The following WWOX variants were observed in gnomAD, a reference collection of about 807,000 sequenced individuals.
WWOX encodes the protein WW domain-containing oxidoreductase.
A neutral mutation model predicts 46.2 loss-of-function variants in WWOX; 69 were observed. The ratio of observed to expected loss-of-function variants is 1.49; its 90% CI spans 1.23 to 1.82. WWOX has a LOEUF of 1.82. WWOX is among the 40% of genes most tolerant of loss of function. The probability of loss-of-function intolerance (pLI) is 0.00; values close to 1 mark genes in which losing one functional copy is unlikely to be tolerated. For missense variants in WWOX, 919 were observed against 542.6 expected, an observed-to-expected ratio of 1.69 and a Z score of -6.89; for synonymous variants, 359 against 202.6, an observed-to-expected ratio of 1.77 and a Z score of -6.56.
intron 8 of WWOX, among the ~76,000 whole-genome samples, chr16:78,874,936 A>G (rs1036772859): frequency 9.2e-5 from 14 of 152,278 alleles, no homozygotes; most frequent in African/African-American, 3.4e-4. Flanking sequence ...GAAAACATGC[A>G]TTGGAACCAG....
intron 8 of WWOX, among the ~76,000 whole-genome samples, chr16:78,542,523 G>C (rs532733989): frequency 6.6e-6 from 1 of 152,236 alleles, no homozygotes; most frequent in African/African-American, 2.4e-5. Flanking sequence ...ACTATTGTCA[G>C]GGAATGAAAA....
chr16:78,198,887 T>C (rs2036142848), intron 5 of WWOX, among the ~76,000 whole-genome samples: 2 of 152,232 alleles, frequency 1.3e-5, no homozygotes, highest in African/African-American at 4.8e-5. Context: ...GACAGTTCTT[T>C]GCTCTGGGAG....
intron 8 of WWOX, among the ~76,000 whole-genome samples, chr16:79,102,405 G>C (rs766789088): frequency 6.6e-5 from 10 of 152,096 alleles, no homozygotes; most frequent in Non-Finnish European, 1.2e-4. Flanking sequence ...TGAATGTATG[G>C]AATATTATTG....
chr16:78,329,168 A>G (rs1052519900), intron 5 of WWOX, among the ~76,000 whole-genome samples: 11 of 152,098 alleles, frequency 7.2e-5, no homozygotes, highest in African/African-American at 2.4e-4. Flanking sequence ...GCCTGCTGAT[A>G]TATTTTTAAT....
intron 8 of WWOX, among the ~76,000 whole-genome samples, chr16:79,158,179 G>C (rs2050418504): frequency 6.6e-6 from 1 of 152,078 alleles, no homozygotes; most frequent in Non-Finnish European, 1.5e-5. Context: ...ATATATGTTG[G>C]GATTTCATAG....
chr16:78,683,746 G>A (rs1410112036), intron 8 of WWOX, among the ~76,000 whole-genome samples: 1 of 152,054 alleles, frequency 6.6e-6, no homozygotes, highest in Non-Finnish European at 1.5e-5. Context: ...TCAGGGACTT[G>A]TGGGCATTTT....
At chr16:78,307,445 G>C (rs1459348274) in intron 5 of WWOX, among the ~76,000 whole-genome samples, 10 of 152,162 alleles carry the variant, frequency 6.6e-5, no homozygotes, top group Admixed American at 3.3e-4. Context: ...AGGCAGAGGG[G>C]ACTGTGACTA....
chr16:79,068,503 A>T (rs907521447), intron 8 of WWOX, among the ~76,000 whole-genome samples: 2 of 151,984 alleles, frequency 1.3e-5, no homozygotes, highest in Non-Finnish European at 2.9e-5. Flanking sequence ...CACGTGTAGG[A>T]AGCTCAAGAC....
chr16:78,816,005 C>G (rs985438756), intron 8 of WWOX, among the ~76,000 whole-genome samples: 5 of 152,166 alleles, frequency 3.3e-5, no homozygotes, highest in African/African-American at 1.2e-4. Context: ...GCTCAATCAC[C>G]CTAGAACTGT....
At position 78,422,844 on chromosome 16, in the gene WWOX, T is replaced by TACACAC. The variant is rs370327902; in HGVS notation, c.606-1990_606-1985dup. ...ACACACACATATATATATATACATA[T>TACACAC]ACACACACACACACACACACACACA... On this transcript the variant is annotated intron_variant, in intron 6 of 8. Transcript: ENST00000566780. 1.9e-3 allele frequency among the ~76,000 whole-genome samples: 197 copies of TACACAC among 105,108 alleles called. 10 individuals are homozygous for TACACAC. Among genetic ancestry groups the TACACAC allele is most frequent in the African/African-American group, 5.8e-3 (119 of 20,446 alleles). The allele number at this position is 105,108 out of a possible 152,430, so 69.0% of individuals were successfully genotyped here.
intron 5 of WWOX, among the ~76,000 whole-genome samples, chr16:78,378,291 C>T (rs1431753384): frequency 6.6e-6 from 1 of 152,104 alleles, no homozygotes; most frequent in Non-Finnish European, 1.5e-5. Flanking sequence ...TCCTGCGAAT[C>T]CTATCAGAAA....
At chr16:78,861,061 G>A (rs1235031303) in intron 8 of WWOX, among the ~76,000 whole-genome samples, 3 of 152,044 alleles carry the variant, frequency 2.0e-5, no homozygotes, top group African/African-American at 4.8e-5. Context: ...CTCAAGCAAT[G>A]TGCTTGCCTT....
At chr16:78,578,695 C>G (rs781208092) in intron 8 of WWOX, among the ~76,000 whole-genome samples, 2 of 152,094 alleles carry the variant, frequency 1.3e-5, no homozygotes, top group Non-Finnish European at 2.9e-5. Flanking sequence ...TTATTGCCAG[C>G]TATGGGTCAT....
chr16:78,952,081 G>A (rs936608067), intron 8 of WWOX, among the ~76,000 whole-genome samples: 2 of 151,868 alleles, frequency 1.3e-5, no homozygotes, highest in Non-Finnish European at 2.9e-5. Context: ...ACAATCCCTC[G>A]ACCCAGTGAC....
intron 6 of WWOX, among the ~76,000 whole-genome samples, chr16:78,408,919 AAGTACTGTGATTT>A (rs111371447): frequency 0.01 from 1,584 of 152,274 alleles, 34 homozygotes; most frequent in African/African-American, 0.037. Flanking sequence ...AGGGAACAGA[AAGTACTGTGATTT>A]AAAATATGTT....
intron 8 of WWOX, among the ~76,000 whole-genome samples, chr16:78,575,483 A>C (rs888597633): frequency 1.1e-4 from 17 of 152,132 alleles, no homozygotes; most frequent in Middle Eastern, 3.4e-3. Context: ...GGATGTCTGC[A>C]TGGAGGACAA....
intron 7 of WWOX, among the ~76,000 whole-genome samples, chr16:78,431,034 G>A (rs1317927140): frequency 1.3e-5 from 2 of 152,158 alleles, no homozygotes; most frequent in Non-Finnish European, 1.5e-5. Context: ...ACTTATAGAA[G>A]CAGAATATGA....
chr16:78,711,429 C>T (rs769463312), intron 8 of WWOX, among the ~76,000 whole-genome samples: 3 of 152,178 alleles, frequency 2.0e-5, no homozygotes, highest in Non-Finnish European at 4.4e-5. Context: ...TGGCTGCAGC[C>T]ACTCAGAATC....
chr16:78,769,272 A>T (rs2050002617), intron 8 of WWOX, among the ~76,000 whole-genome samples: 1 of 151,968 alleles, frequency 6.6e-6, no homozygotes, highest in Non-Finnish European at 1.5e-5. Flanking sequence ...AGTTGGGGGG[A>T]GTCACCATCG....
Sources: allele counts gnomAD v4.1 joint callset (sites outside exome capture counted in the v4.1 genomes callset), GRCh38; gene constraint gnomAD v4.1.1; transcripts MANE v1.5; gene names NCBI Gene and HGNC (gene_info 2026-07-23, HGNC 2026-07-21).